The following TNNI1 variants were observed in gnomAD, a reference collection of about 807,000 sequenced individuals.
TNNI1 encodes the protein troponin I1, slow skeletal type, also known as troponin I, slow skeletal muscle.
In TNNI1, 14 loss-of-function variants were observed where a neutral mutation model predicts 26.7. That is an observed-to-expected ratio of 0.52 (90% CI 0.35 to 0.82). The LOEUF (loss-of-function observed/expected upper bound fraction) is 0.82, where lower values mean the gene tolerates loss of function less well. Ranked by LOEUF, TNNI1 falls within the 40% of genes least tolerant of loss-of-function variation. The probability of loss-of-function intolerance (pLI) is 0.01; values close to 1 mark genes in which losing one functional copy is unlikely to be tolerated. For missense variants in TNNI1, 164 were observed against 257.0 expected, an observed-to-expected ratio of 0.64 and a Z score of 2.47; for synonymous variants, 79 against 98.2, an observed-to-expected ratio of 0.80 and a Z score of 1.16.
At chr1:201,414,706 G>A (rs1436853491) in intron 4 of TNNI1, 57 bp from the exon 5 acceptor site, 22 of 1,589,988 alleles carry the variant, frequency 1.4e-5, no homozygotes, top group Non-Finnish European at 1.8e-5. Context: ...CGGCATCAGG[G>A]AATGAGGGGA....
chr1:201,415,189 C>G (rs1272245872), intron 4 of TNNI1, 24 bp downstream of exon 4: 2 of 1,609,336 alleles, frequency 1.2e-6, no homozygotes, highest in Non-Finnish European at 8.5e-7. Flanking sequence ...TGGGCATCCC[C>G]CCACAGCCAG....
intron 8 of TNNI1, chr1:201,410,017 T>G: frequency 1.2e-5 from 3 of 240,252 alleles, no homozygotes; most frequent in Admixed American, 5.4e-5. Context: ...GGGCTGATCA[T>G]TTGCATCCCA....
chr1:201,421,330 C>T (rs774708418), intron 1 of TNNI1, among the ~76,000 whole-genome samples: 3 of 152,144 alleles, frequency 2.0e-5, no homozygotes, highest in Non-Finnish European at 2.9e-5. Context: ...CCTGGGTGCG[C>T]TCTCCCTCCC....
rs769200513 is a variant in TNNI1, at chr1:201,414,667, G to T, written c.58-18C>A. On this transcript the variant is annotated intron_variant, in intron 4 of 8. Coordinates refer to ENST00000361379, the MANE Select transcript of TNNI1 (RefSeq NM_003281.4). ...ATCAGGCTCTGGACAGGACACACCT[G>T]CTGAGCTGGGGGCCTCACATCTCCC... is the stretch of plus-strand genomic sequence containing the variant. 9 of 1,608,904 alleles carry T rather than the reference G, an allele frequency of 5.6e-6. No individual in the cohort carries two copies. The highest frequency in any genetic ancestry group is 7.6e-6 in the Non-Finnish European group (9 of 1,177,430).
intron 3 of TNNI1, 82 bp downstream of exon 3, chr1:201,417,034 C>A (rs1401909089): frequency 5.1e-6 from 8 of 1,561,500 alleles, no homozygotes; most frequent in Non-Finnish European, 7.1e-6. Flanking sequence ...GCTCTTCCCT[C>A]TCCTCAGATG....
chr1:201,420,312 T>C (rs1349319854), intron 1 of TNNI1, among the ~76,000 whole-genome samples: 6 of 152,200 alleles, frequency 3.9e-5, no homozygotes, highest in African/African-American at 1.4e-4. Flanking sequence ...CCAGGCTCTG[T>C]GGAAGACAAG....
In TNNI1 at chr1:201,421,666, C is replaced by T. The variant is rs543490410; in HGVS notation, c.-20+7G>A. 6.6e-6 allele frequency: 1 copy of T among 152,366 alleles called. No homozygotes were observed. The highest frequency in any genetic ancestry group is 2.4e-5 in the African/African-American group (1 of 41,568). 9.4% of individuals were successfully genotyped at this position (152,366 alleles called of 1,614,324 possible). A position where few individuals can be genotyped will look rare whatever the true frequency, so the allele number is the denominator to read the frequency against. ...TACATCTGAAGTTCTGGGCTGCAGA[C>T]GCTTACCTTGTTCAGTCCTCGTGGA... On this transcript the variant is annotated splice_region_variant and intron_variant, in intron 1 of 8. Transcript: ENST00000361379.
rs1435509884 is a variant in TNNI1, at chr1:201,413,095, C to T, written c.216G>A (p.Lys72=). Residue 72 remains lysine, a synonymous_variant, in exon 6 of 9, where the codon AAG becomes AAA. Transcript: ENST00000361379. ...LQDLCRELHA[K]VEVVDEERYD... The stretch of plus-strand genomic sequence containing the variant: ...ATCGCTCCTCATCCACCACCTCCAC[C>T]TTGGCGTGCAGCTCCCGGCACAGGT... 6.2e-7 allele frequency: 1 copy of T among 1,614,114 alleles called. No individual in the cohort carries two copies. Among genetic ancestry groups the T allele is most frequent in the South Asian group, 1.1e-5 (1 of 91,086 alleles).
In TNNI1 at chr1:201,404,405, A is replaced by G. The variant is rs1375513719; in HGVS notation, c.*4848T>C. ...GGGAAGGGAAGAAATGAATGAGGTG[A>G]TAAGACCCACGCCCTAAAGAATCCA... On this transcript the variant is annotated 3_prime_UTR_variant, in exon 9 of 9. Coordinates refer to ENST00000361379, the MANE Select transcript of TNNI1 (RefSeq NM_003281.4). 6.6e-6 allele frequency: 1 copy of G among 152,160 alleles called. No homozygotes were observed. Among genetic ancestry groups the G allele is most frequent in the Non-Finnish European group, 1.5e-5 (1 of 68,034 alleles). The allele number at this position is 152,160 out of a possible 1,614,324, so 9.4% of individuals were successfully genotyped here.
At position 201,414,498 on chromosome 1, in the gene TNNI1, G is replaced by A. The variant is rs373816823; in HGVS notation, c.189+20C>T. ...AGCACCTCCAGCCCCACCCTGCCCC[G>A]CCCCACCTGCCAGGCTAACCTGCAG... On this transcript the variant is annotated intron_variant, in intron 5 of 8. Transcript: ENST00000361379. The A allele has an allele frequency of 5.6e-5, 85 of 1,520,156 alleles. No individual in the cohort carries two copies. The highest frequency in any genetic ancestry group is 4.8e-4 in the African/African-American group (35 of 72,330). 94.2% of individuals were successfully genotyped at this position (1,520,156 alleles called of 1,614,324 possible).
At position 201,411,414 on chromosome 1, in the gene TNNI1, C is replaced by T. The variant is rs545960859; in HGVS notation, c.399G>A (p.Lys133=). 2 of 1,613,996 alleles carry T rather than the reference C, an allele frequency of 1.2e-6. No individual in the cohort carries two copies. ...GGTTGGCCCGCAGATCCATGGACAC[C>T]TTGTGCTTGGAGCCCAGCAGGGCCC... The part of the protein sequence containing the change: ...MLRALLGSKH[K]VSMDLRANLK... The change falls in exon 7 of 9, where the codon AAG becomes AAA. Residue 133 remains lysine (K), a synonymous_variant. Coordinates refer to ENST00000361379, the MANE Select transcript of TNNI1 (RefSeq NM_003281.4). The surrounding 1 kb of genome is among the most constrained non-coding windows in gnomAD (Gnocchi z 4.6).
chr1:201,420,657 A>G (rs1372308076), intron 1 of TNNI1, among the ~76,000 whole-genome samples: 1 of 152,144 alleles, frequency 6.6e-6, no homozygotes, highest in African/African-American at 2.4e-5. Flanking sequence ...CACGTCCACA[A>G]GTATCTAGTT....
In TNNI1 at chr1:201,415,209, T is replaced by C. The variant is rs148624677; in HGVS notation, c.57+4A>G. On this transcript the variant is annotated splice_donor_region_variant and intron_variant, in intron 4 of 8. Coordinates refer to ENST00000361379, the MANE Select transcript of TNNI1 (RefSeq NM_003281.4). ...ATCCCCCCACAGCCAGCCCCCAGCC[T>C]CACCTTCAGCAAGAGTTTGCGGGAG... 79 of 1,613,684 alleles carry C rather than the reference T, an allele frequency of 4.9e-5. No homozygotes were observed. In the African/African-American group the frequency reaches 8.9e-4, roughly 18 times the overall value.
intron 2 of TNNI1, among the ~76,000 whole-genome samples, chr1:201,417,360 A>G (rs1347582782): frequency 2.0e-5 from 3 of 152,182 alleles, no homozygotes; most frequent in African/African-American, 7.2e-5. Flanking sequence ...ATTGGGAGGT[A>G]CTGGGCATCG....
Position 201,414,512 on chromosome 1 carries a change from G to C in TNNI1, c.189+6C>G, listed in dbSNP as rs762072621. 1 of 1,579,554 alleles carries C rather than the reference G, an allele frequency of 6.3e-7. No homozygotes were observed. Among genetic ancestry groups the C allele is most frequent in the East Asian group, 2.3e-5 (1 of 43,778 alleles). On this transcript the variant is annotated splice_donor_region_variant and intron_variant, in intron 5 of 8. Coordinates refer to ENST00000361379, the MANE Select transcript of TNNI1 (RefSeq NM_003281.4). Reference sequence around the variant, plus strand: ...CACCCTGCCCCGCCCCACCTGCCAGGCTAACCTGCAGGGCACTGAGGGACA... The same window carrying C: ...CACCCTGCCCCGCCCCACCTGCCAGCCTAACCTGCAGGGCACTGAGGGACA...
intron 1 of TNNI1, among the ~76,000 whole-genome samples, chr1:201,420,130 G>A (rs1247991474): frequency 6.6e-6 from 1 of 152,220 alleles, no homozygotes; most frequent in African/African-American, 2.4e-5. Flanking sequence ...CTCCCTCAGA[G>A]ATCCAACTGT....
chr1:201,409,886 T>C (rs1380827324), intron 8 of TNNI1: 1 of 154,938 alleles, frequency 6.5e-6, no homozygotes, highest in African/African-American at 2.4e-5. Context: ...TCTCAGAAAG[T>C]CAGAGATGAA....
intron 3 of TNNI1, among the ~76,000 whole-genome samples, chr1:201,416,536 T>C (rs926430404): frequency 6.6e-6 from 1 of 152,166 alleles, no homozygotes; most frequent in African/African-American, 2.4e-5. Flanking sequence ...TGGGCCCACA[T>C]CCCTATCCCT....
intron 6 of TNNI1, 54 bp downstream of exon 6, chr1:201,412,978 C>G (rs1571735764): frequency 8.3e-6 from 13 of 1,565,992 alleles, no homozygotes; most frequent in Middle Eastern, 3.4e-4. Flanking sequence ...GCATCCGTGC[C>G]CATGCCCCTG....
Sources: gnomAD v4.1 joint callset for allele counts (sites outside exome capture counted in the v4.1 genomes callset) on GRCh38, gnomAD v4.1.1 for gene constraint, Gnocchi (gnomAD v3.1) non-coding constraint, MANE v1.5 for transcripts, NCBI Gene and HGNC (gene_info 2026-07-23, HGNC 2026-07-21) for gene names.